Variants in KHDRBS2 observed in about 807,000 individuals in gnomAD.
KHDRBS2 encodes the protein KH domain-containing, RNA-binding, signal transduction-associated protein 2.
A neutral mutation model predicts 44.3 loss-of-function variants in KHDRBS2; 26 were observed. That is an observed-to-expected ratio of 0.59 (90% CI 0.43 to 0.81). The LOEUF is 0.81. KHDRBS2 is among the 40% of genes least tolerant of loss of function. The pLI is 0.00. For missense variants in KHDRBS2, 476 were observed against 433.1 expected (o/e 1.10, Z -0.88); for synonymous variants, 194 against 151.1 (o/e 1.28, Z -2.08).
intron 6 of KHDRBS2, among the ~76,000 whole-genome samples, chr6:61,806,742 T>C (rs1420453555): frequency 6.6e-6 from 1 of 152,046 alleles, no homozygotes; most frequent in Non-Finnish European, 1.5e-5. Context: ...CTTCTATTAT[T>C]TCAAAAAAAA....
chr6:62,097,269 C>T (rs1300858345), intron 2 of KHDRBS2, among the ~76,000 whole-genome samples: 1 of 151,844 alleles, frequency 6.6e-6, no homozygotes, highest in Admixed American at 6.6e-5. Context: ...CAATTTAACT[C>T]CACTGTGTCT....
intron 6 of KHDRBS2, among the ~76,000 whole-genome samples, chr6:61,886,514 T>C (rs1244424489): frequency 6.6e-6 from 1 of 150,866 alleles, no homozygotes; most frequent in Non-Finnish European, 1.5e-5. Context: ...GGAGCATGCA[T>C]AGTTTCTATT....
the KHDRBS2 span, among the ~76,000 whole-genome samples, chr6:61,666,850 A>G: frequency 9.9e-5 from 15 of 151,520 alleles, no homozygotes; most frequent in Non-Finnish European, 1.8e-4. Flanking sequence ...ACAGAGATAA[A>G]TTAGATCAAA....
chr6:61,954,145 G>A (rs1054839899), intron 4 of KHDRBS2, among the ~76,000 whole-genome samples: 3 of 152,066 alleles, frequency 2.0e-5, no homozygotes, highest in African/African-American at 7.2e-5. Flanking sequence ...ATATGCTTCA[G>A]TAGTATGTCA....
At chr6:62,046,048 T>C (rs906743750) in intron 3 of KHDRBS2, among the ~76,000 whole-genome samples, 60 of 151,622 alleles carry the variant, frequency 4.0e-4, no homozygotes, top group African/African-American at 1.4e-3. Flanking sequence ...AATATGTTAT[T>C]TTATTTAATT....
intron 6 of KHDRBS2, among the ~76,000 whole-genome samples, chr6:61,777,807 A>T (rs1782327393): frequency 6.6e-6 from 1 of 152,202 alleles, no homozygotes; most frequent in African/African-American, 2.4e-5. Context: ...TAGCTGTAAA[A>T]ACGAAGATTA....
intron 4 of KHDRBS2, among the ~76,000 whole-genome samples, chr6:61,959,736 G>A (rs942662811): frequency 2.0e-5 from 3 of 152,046 alleles, no homozygotes; most frequent in East Asian, 1.9e-4. Flanking sequence ...AATGCAATAC[G>A]ATATTAGATT....
chr6:61,685,916 A>G (rs1043129123), intron 8 of KHDRBS2, among the ~76,000 whole-genome samples: 1 of 151,782 alleles, frequency 6.6e-6, no homozygotes, highest in Non-Finnish European at 1.5e-5. Context: ...TGGGAAAAAC[A>G]TGAAGCATAG....
chr6:62,237,996 T>C (rs909320892), intron 1 of KHDRBS2, among the ~76,000 whole-genome samples: 44 of 146,810 alleles, frequency 3.0e-4, no homozygotes, highest in African/African-American at 1.1e-3. Context: ...CAGTGAGCAG[T>C]GAGCAGTGAT....
rs530327532 is a variant in KHDRBS2 at position 62,033,689 on chromosome 6, C to CAT, written c.336+14187_336+14188dup. Among the ~76,000 whole-genome samples, 307 of 149,108 alleles carry CAT rather than the reference C, an allele frequency of 2.1e-3. 9 individuals are homozygous for CAT. In the South Asian group the frequency reaches 0.049, roughly 24 times the overall value. On this transcript the variant is annotated intron_variant, in intron 3 of 8. Coordinates refer to ENST00000281156, the MANE Select transcript of KHDRBS2 (RefSeq NM_152688.4). ...TATGGCATATAGATATTATATATGCCATATATATATATGCAAACATGAAGG... is the reference window on the plus strand; with the variant it reads ...TATGGCATATAGATATTATATATGCCATATATATATATATGCAAACATGAAGG...
chr6:61,718,026 T>A (rs1248597829), intron 7 of KHDRBS2, among the ~76,000 whole-genome samples: 1 of 152,046 alleles, frequency 6.6e-6, no homozygotes, highest in Non-Finnish European at 1.5e-5. Context: ...TCACTTAACA[T>A]TTCTAAAATT....
intron 2 of KHDRBS2, among the ~76,000 whole-genome samples, chr6:62,106,703 G>A (rs989761802): frequency 8.5e-5 from 13 of 152,236 alleles, no homozygotes; most frequent in Admixed American, 8.5e-4. Context: ...ATAAAATACT[G>A]GCAAACGGAA....
At chr6:61,557,653 T>C in the KHDRBS2 span, among the ~76,000 whole-genome samples, 141,728 of 152,202 alleles carry the variant, frequency 0.93, 66,147 homozygotes, top group East Asian at 1. Context: ...CCTCATAGAG[T>C]GAGTTTGGAA....
the KHDRBS2 span, among the ~76,000 whole-genome samples, chr6:61,654,309 G>A: frequency 6.6e-6 from 1 of 151,918 alleles, no homozygotes; most frequent in Non-Finnish European, 1.5e-5. Context: ...CAGAAACATA[G>A]AAAAATACTT....
intron 1 of KHDRBS2, among the ~76,000 whole-genome samples, chr6:62,203,866 C>T (rs1311629692): frequency 6.6e-6 from 1 of 152,164 alleles, no homozygotes; most frequent in Non-Finnish European, 1.5e-5. Context: ...TCTGGAAGGC[C>T]TAATGGCAGA....
At chr6:61,796,426 T>G (rs984717736) in intron 6 of KHDRBS2, among the ~76,000 whole-genome samples, 5 of 152,014 alleles carry the variant, frequency 3.3e-5, no homozygotes, top group Admixed American at 6.6e-5. Context: ...TTCAAAAATA[T>G]TAACAGAATA....
chr6:61,823,421 T>C (rs2127254204), intron 6 of KHDRBS2, among the ~76,000 whole-genome samples: 1 of 152,234 alleles, frequency 6.6e-6, no homozygotes, highest in East Asian at 1.9e-4. Context: ...AAATTTTATG[T>C]AAAGAAGTCC....
the KHDRBS2 span, among the ~76,000 whole-genome samples, chr6:61,628,108 C>T: frequency 6.6e-6 from 1 of 150,728 alleles, no homozygotes; most frequent in South Asian, 2.1e-4. Flanking sequence ...ACCTGCTGAA[C>T]TTTGTTTCTC....
the KHDRBS2 span, among the ~76,000 whole-genome samples, chr6:61,595,743 T>A: frequency 2.0e-5 from 3 of 151,934 alleles, no homozygotes; most frequent in African/African-American, 7.2e-5. Flanking sequence ...TTAACAGATC[T>A]AAGTTTAGCT....
Sources: allele counts gnomAD v4.1 joint callset (sites outside exome capture counted in the v4.1 genomes callset), GRCh38; gene constraint gnomAD v4.1.1; transcripts MANE v1.5; gene names NCBI Gene and HGNC (gene_info 2026-07-23, HGNC 2026-07-21).